The following PIK3CB variants were observed in gnomAD, a reference collection of about 807,000 sequenced individuals.
PIK3CB encodes the protein phosphatidylinositol-4,5-bisphosphate 3-kinase catalytic subunit beta.
Under a neutral mutation model 136.8 loss-of-function variants are expected in PIK3CB, and 39 were observed. The observed-to-expected ratio is 0.29, with a 90% CI of 0.22 to 0.37. The LOEUF (loss-of-function observed/expected upper bound fraction) is 0.37. PIK3CB is among the 10% of genes least tolerant of loss of function. The pLI is 1.00. For missense variants in PIK3CB, 868 were observed against 1,275.4 expected, an observed-to-expected ratio of 0.68 and a Z score of 4.87; for synonymous variants, 428 against 436.6, an observed-to-expected ratio of 0.98 and a Z score of 0.25.
At chr3:138,816,235 T>G (rs1381574862) in intron 1 of PIK3CB, among the ~76,000 whole-genome samples, 1 of 152,040 alleles carries the variant, frequency 6.6e-6, no homozygotes, top group Non-Finnish European at 1.5e-5. Context: ...ACCAGGAGAT[T>G]GAAGCTGTAG....
chr3:138,700,518 A>G (rs1301650259), intron 12 of PIK3CB, among the ~76,000 whole-genome samples: 1 of 152,166 alleles, frequency 6.6e-6, no homozygotes, highest in East Asian at 1.9e-4. Context: ...AATGACAGTA[A>G]CTAATTACAA....
At chr3:138,811,512 G>A (rs1234259380) in intron 1 of PIK3CB, among the ~76,000 whole-genome samples, 10 of 148,804 alleles carry the variant, frequency 6.7e-5, no homozygotes, top group South Asian at 2.1e-4. Context: ...TGCAACCTCC[G>A]CCTCCCAGGT....
At chr3:138,679,161 A>G (rs1389198560) in intron 19 of PIK3CB, among the ~76,000 whole-genome samples, 1 of 152,222 alleles carries the variant, frequency 6.6e-6, no homozygotes, top group Non-Finnish European at 1.5e-5. Context: ...ACAAATGTCA[A>G]TTATAATAGG....
intron 1 of PIK3CB, among the ~76,000 whole-genome samples, chr3:138,818,419 T>C (rs1381991760): frequency 6.6e-6 from 1 of 152,200 alleles, no homozygotes; most frequent in Admixed American, 6.6e-5. Flanking sequence ...TTCCCCTAAC[T>C]TCCTTTTTCT....
chr3:138,825,834 C>G, intron 1 of PIK3CB: 1 of 1,202,376 alleles, frequency 8.3e-7, no homozygotes, highest in Non-Finnish European at 1.2e-6. Context: ...CACCATGAAG[C>G]TTTGGGTGAA....
chr3:138,832,054 A>G (rs1254626003), intron 1 of PIK3CB, among the ~76,000 whole-genome samples: 2 of 152,272 alleles, frequency 1.3e-5, no homozygotes, highest in Non-Finnish European at 2.9e-5. Flanking sequence ...GGCTAGCAGT[A>G]GTTCTACTGT....
intron 2 of PIK3CB, among the ~76,000 whole-genome samples, chr3:138,791,296 C>T (rs1559880242): frequency 6.6e-6 from 1 of 152,218 alleles, no homozygotes; most frequent in East Asian, 1.9e-4. Flanking sequence ...GCATGCGCCA[C>T]CACGCCCGAC....
intron 2 of PIK3CB, among the ~76,000 whole-genome samples, chr3:138,792,523 G>A (rs187689501): frequency 1.8e-4 from 27 of 152,142 alleles, no homozygotes; most frequent in East Asian, 7.7e-4. Context: ...GCAGGCATTC[G>A]CCACCATGCC....
chr3:138,696,430 C>T (rs2044139492), intron 13 of PIK3CB, among the ~76,000 whole-genome samples: 2 of 152,148 alleles, frequency 1.3e-5, no homozygotes, highest in Non-Finnish European at 2.9e-5. Flanking sequence ...AAGTGATCCT[C>T]CTGCCTCTGC....
intron 12 of PIK3CB, among the ~76,000 whole-genome samples, chr3:138,701,010 T>C (rs2044241151): frequency 6.6e-6 from 1 of 152,028 alleles, no homozygotes; most frequent in South Asian, 2.1e-4. Flanking sequence ...GGGATAACAG[T>C]TAACTTCCAG....
chr3:138,830,365 T>A (rs1933972011), intron 1 of PIK3CB, among the ~76,000 whole-genome samples: 1 of 151,132 alleles, frequency 6.6e-6, no homozygotes, highest in African/African-American at 2.4e-5. Context: ...GTCTGGCCAA[T>A]ATGGTGAAAC....
In PIK3CB at chr3:138,817,680, C is replaced by G. The variant is rs183576203; in HGVS notation, c.-122+17015G>C. Among the ~76,000 whole-genome samples, 15 of 152,272 alleles carry G rather than the reference C, an allele frequency of 9.9e-5. No individual in the cohort carries two copies. In the East Asian group the frequency reaches 2.5e-3, roughly 25 times the overall value. On this transcript the variant is annotated intron_variant, in intron 1 of 23. Transcript: ENST00000674063. ...TAGTAGGCTGATGGCCCAATTCAAA[C>G]CTTGATGCTAGGGGAACTCACAAGT...
At chr3:138,804,493 A>C (rs150024098) in intron 1 of PIK3CB, among the ~76,000 whole-genome samples, 139 of 152,242 alleles carry the variant, frequency 9.1e-4, no homozygotes, top group African/African-American at 3.2e-3. Context: ...CAGCCTGAAT[A>C]ACAGAGACCT....
chr3:138,726,304 G>C (rs973561974), intron 8 of PIK3CB, among the ~76,000 whole-genome samples: 1 of 152,176 alleles, frequency 6.6e-6, no homozygotes, highest in Non-Finnish European at 1.5e-5. Context: ...TTTTTTAGTA[G>C]GCTGGGGTTC....
chr3:138,677,691 G>A (rs1228172262), intron 19 of PIK3CB, among the ~76,000 whole-genome samples: 5 of 152,176 alleles, frequency 3.3e-5, no homozygotes, highest in Non-Finnish European at 7.4e-5. Flanking sequence ...GAAGTCGGGA[G>A]TTCAAGACCA....
chr3:138,691,699 T>C (rs1019863593), intron 14 of PIK3CB, among the ~76,000 whole-genome samples: 3 of 152,206 alleles, frequency 2.0e-5, no homozygotes, highest in Non-Finnish European at 4.4e-5. Context: ...ATTAAACATC[T>C]TTCCTTTATA....
At chr3:138,762,986 A>C (rs1269822481) in intron 2 of PIK3CB, among the ~76,000 whole-genome samples, 1 of 151,546 alleles carries the variant, frequency 6.6e-6, no homozygotes, top group Non-Finnish European at 1.5e-5. Context: ...CAATAAAAAA[A>C]TATATATATA....
chr3:138,683,575 C>A, intron 18 of PIK3CB, 103 bp downstream of exon 18: 1 of 683,064 alleles, frequency 1.5e-6, no homozygotes, highest in Admixed American at 2.3e-5. Flanking sequence ...TTCCTGGCTG[C>A]AAATTGTTAC....
At chr3:138,733,281 A>G in intron 8 of PIK3CB, 80 bp downstream of exon 8, 1 of 588,052 alleles carries the variant, frequency 1.7e-6, no homozygotes. Context: ...TTCAATCTCC[A>G]ATGTGACATT....
Sources: allele counts gnomAD v4.1 joint callset (sites outside exome capture counted in the v4.1 genomes callset), GRCh38; gene constraint gnomAD v4.1.1; transcripts MANE v1.5; gene names NCBI Gene and HGNC (gene_info 2026-07-23, HGNC 2026-07-21).